The following C3orf20 variants were observed in gnomAD, a reference collection of about 807,000 sequenced individuals.
The protein encoded by C3orf20 is uncharacterized protein C3orf20.
In C3orf20, 76 loss-of-function variants were observed where a neutral mutation model predicts 88.3. The observed-to-expected ratio is 0.86, with a 90% CI of 0.72 to 1.04. The LOEUF is 1.04. C3orf20 is among the 50% of genes least tolerant of loss of function. C3orf20 has a pLI of 0.00. For missense variants in C3orf20, 1,056 were observed against 1,123.3 expected, an observed-to-expected ratio of 0.94 and a Z score of 0.86; for synonymous variants, 436 against 437.4, an observed-to-expected ratio of 1.00 and a Z score of 0.04.
chr3:14,759,876 T>G lies in C3orf20; in HGVS notation c.2245-15T>G. ...GGCATGGGGGTGACCAGTTCTCATA[T>G]TTCTCTCCTGGTAGTGCCGGTATGA... On this transcript the variant is annotated splice_polypyrimidine_tract_variant and intron_variant, in intron 13 of 16. Transcript: ENST00000253697. 1.2e-6 allele frequency: 2 copies of G among 1,609,084 alleles called. No individual in the cohort carries two copies. Among genetic ancestry groups the G allele is most frequent in the African/African-American group, 2.7e-5 (2 of 74,932 alleles).
intron 12 of C3orf20, among the ~76,000 whole-genome samples, chr3:14,751,416 G>A (rs2035215817): frequency 6.6e-6 from 1 of 152,316 alleles, no homozygotes; most frequent in South Asian, 2.1e-4. Flanking sequence ...GCAGGGCAGG[G>A]TGTCGCCTCA....
At chr3:14,727,264 T>C (rs1220587816) in intron 11 of C3orf20, among the ~76,000 whole-genome samples, 1 of 152,116 alleles carries the variant, frequency 6.6e-6, no homozygotes, top group Admixed American at 6.5e-5. Flanking sequence ...CTGAGCTCTC[T>C]CCCAGAGTGT....
rs563758145 is a variant in C3orf20, at chr3:14,754,170, T to A, written c.1941-3201T>A. On this transcript the variant is annotated intron_variant, in intron 12 of 16. Coordinates refer to ENST00000253697, the MANE Select transcript of C3orf20 (RefSeq NM_032137.5). ...CTCTTTCTTCCCAGGCTTTTTAGCC[T>A]ACTTATCTGTGCCTCTTCTGTTTCC... 6.6e-5 allele frequency among the ~76,000 whole-genome samples: 10 copies of A among 152,364 alleles called. No individual in the cohort carries two copies. The South Asian group carries it at 1.9e-3, about 28-fold the overall frequency.
At chr3:14,732,000 G>A (rs1035494091) in intron 12 of C3orf20, among the ~76,000 whole-genome samples, 1 of 152,174 alleles carries the variant, frequency 6.6e-6, no homozygotes, top group African/African-American at 2.4e-5. Flanking sequence ...CATTTCACTT[G>A]GGTAAATACT....
At chr3:14,735,036 T>C (rs2034662470) in intron 12 of C3orf20, among the ~76,000 whole-genome samples, 1 of 151,502 alleles carries the variant, frequency 6.6e-6, no homozygotes, top group Non-Finnish European at 1.5e-5. Context: ...ATATATCTTT[T>C]TTTGTTTTTT....
At chr3:14,687,297 T>TA (rs2124898151) in intron 4 of C3orf20, among the ~76,000 whole-genome samples, 1 of 152,372 alleles carries the variant, frequency 6.6e-6, no homozygotes, top group South Asian at 2.1e-4. Flanking sequence ...ACTAATTTTT[T>TA]AAAATACAAG....
intron 5 of C3orf20, among the ~76,000 whole-genome samples, chr3:14,702,666 C>T (rs987385136): frequency 5.9e-5 from 9 of 152,070 alleles, no homozygotes; most frequent in African/African-American, 1.9e-4. Context: ...GTCTCGAACT[C>T]CTGACCTCAG....
chr3:14,769,305 G>A (rs1479645627), intron 15 of C3orf20, among the ~76,000 whole-genome samples: 1 of 151,968 alleles, frequency 6.6e-6, no homozygotes, highest in Admixed American at 6.5e-5. Flanking sequence ...AGAGGGAAAA[G>A]GCACTCAGGA....
chr3:14,712,993 C>G (rs1336665354), intron 7 of C3orf20, among the ~76,000 whole-genome samples: 2 of 152,104 alleles, frequency 1.3e-5, no homozygotes. Context: ...TTCTTAACCC[C>G]ATGGTTTCTG....
intron 5 of C3orf20, among the ~76,000 whole-genome samples, chr3:14,699,218 C>T (rs1472204331): frequency 6.6e-6 from 1 of 152,166 alleles, no homozygotes; most frequent in African/African-American, 2.4e-5. Context: ...AATCAGGGAC[C>T]CCAAGAGCCC....
chr3:14,676,188 TC>T (rs1427340788), intron 1 of C3orf20, among the ~76,000 whole-genome samples: 1 of 134,880 alleles, frequency 7.4e-6, no homozygotes, highest in African/African-American at 2.8e-5. Flanking sequence ...CACCAGCCTC[TC>T]CATGCACAGC....
intron 12 of C3orf20, among the ~76,000 whole-genome samples, chr3:14,755,602 A>G (rs952812121): frequency 5.9e-5 from 9 of 152,328 alleles, no homozygotes; most frequent in Non-Finnish European, 1.0e-4. Flanking sequence ...CTGAGAAATA[A>G]TGCTCATCTT....
chr3:14,716,642 CA>C (rs1213494249), intron 9 of C3orf20, among the ~76,000 whole-genome samples: 4 of 152,324 alleles, frequency 2.6e-5, no homozygotes, highest in African/African-American at 9.6e-5. Flanking sequence ...AATGTCCTCC[CA>C]AATTCCTTCA....
intron 5 of C3orf20, among the ~76,000 whole-genome samples, chr3:14,691,586 CAG>C (rs199845484): frequency 1.3e-5 from 2 of 151,318 alleles, no homozygotes. Flanking sequence ...TATTTTGAGG[CAG>C]AGAGAGAGAG....
chr3:14,722,335 C>G (rs563075294), intron 10 of C3orf20: 29 of 385,958 alleles, frequency 7.5e-5, no homozygotes, highest in African/African-American at 3.7e-4. Context: ...GTGAAACATT[C>G]CCTGTGGCCA....
At chr3:14,682,549 C>G in intron 2 of C3orf20, 29 bp from the exon 3 acceptor site, 1 of 926,442 alleles carries the variant, frequency 1.1e-6, no homozygotes, top group Non-Finnish European at 1.6e-6. Flanking sequence ...GGGAGAGTGA[C>G]TAACTCTTTT....
intron 12 of C3orf20, among the ~76,000 whole-genome samples, chr3:14,755,209 T>C (rs1253414034): frequency 1.3e-5 from 2 of 152,202 alleles, no homozygotes; most frequent in African/African-American, 4.8e-5. Context: ...GTCATTTGTC[T>C]TTCATCTTTG....
At chr3:14,730,415 T>C (rs909127814) in intron 12 of C3orf20, among the ~76,000 whole-genome samples, 12 of 151,874 alleles carry the variant, frequency 7.9e-5, no homozygotes, top group Admixed American at 1.3e-4. Flanking sequence ...GGTGTGGTGG[T>C]GGGCGCCTGT....
At chr3:14,763,604 T>A (rs2035619517) in intron 15 of C3orf20, among the ~76,000 whole-genome samples, 1 of 152,180 alleles carries the variant, frequency 6.6e-6, no homozygotes, top group Non-Finnish European at 1.5e-5. Flanking sequence ...CAAAGAGACA[T>A]ATTTTATTTG....
Sources: allele counts gnomAD v4.1 joint callset (sites outside exome capture counted in the v4.1 genomes callset), GRCh38; gene constraint gnomAD v4.1.1; transcripts MANE v1.5; gene names NCBI Gene and HGNC (gene_info 2026-07-23, HGNC 2026-07-21).